Variants in LUZP2 observed in about 807,000 individuals in gnomAD.
The protein encoded by LUZP2 is leucine zipper protein 2.
In LUZP2, 52 loss-of-function variants were observed where a neutral mutation model predicts 51.6. The observed-to-expected ratio is 1.01, with a 90% CI of 0.81 to 1.27. The LOEUF (loss-of-function observed/expected upper bound fraction) is 1.27. Ranked by LOEUF, LUZP2 falls within the 50% of genes most tolerant of loss-of-function variation. The pLI is 0.00. For missense variants in LUZP2, 436 were observed against 395.4 expected (o/e 1.10, Z -0.87); for synonymous variants, 154 against 137.3 (o/e 1.12, Z -0.85).
chr11:24,678,463 A>T (rs925672774), intron 1 of LUZP2, among the ~76,000 whole-genome samples: 1 of 152,132 alleles, frequency 6.6e-6, no homozygotes, highest in Non-Finnish European at 1.5e-5. Flanking sequence ...TGTGCTTGTT[A>T]TAAGTGTCCT....
chr11:24,988,253 T>C (rs140449805), intron 9 of LUZP2, among the ~76,000 whole-genome samples: 33 of 152,062 alleles, frequency 2.2e-4, no homozygotes, highest in Admixed American at 1.3e-3. Context: ...TCTCACAGTA[T>C]GTGTTAAAGC....
chr11:24,607,504 G>T (rs1400230039), intron 1 of LUZP2, among the ~76,000 whole-genome samples: 1 of 151,298 alleles, frequency 6.6e-6, no homozygotes, highest in African/African-American at 2.4e-5. Context: ...ATATTCCATT[G>T]TCTGCTTTTA....
intron 9 of LUZP2, among the ~76,000 whole-genome samples, chr11:25,030,704 T>TA (rs1437364330): frequency 6.6e-6 from 1 of 150,706 alleles, no homozygotes; most frequent in Non-Finnish European, 1.5e-5. Context: ...ATTTAATACA[T>TA]AATTTGTTTT....
chr11:24,923,341 T>C (rs1854130911), intron 7 of LUZP2, among the ~76,000 whole-genome samples: 1 of 151,910 alleles, frequency 6.6e-6, no homozygotes, highest in African/African-American at 2.4e-5. Context: ...AAGGAAAAAG[T>C]CAAACTTGAA....
At chr11:24,692,389 G>A (rs1565080140) in intron 1 of LUZP2, among the ~76,000 whole-genome samples, 2 of 152,028 alleles carry the variant, frequency 1.3e-5, no homozygotes, top group African/African-American at 4.8e-5. Context: ...TAAAAACAAG[G>A]AAAGTAGTAA....
chr11:24,713,942 C>T (rs1645713784), intron 1 of LUZP2, among the ~76,000 whole-genome samples: 1 of 145,770 alleles, frequency 6.9e-6, no homozygotes, highest in Non-Finnish European at 1.5e-5. Flanking sequence ...GTGATCTGCC[C>T]ACCTCAGCCT....
At chr11:24,910,765 G>T (rs891486268) in intron 6 of LUZP2, among the ~76,000 whole-genome samples, 1 of 152,166 alleles carries the variant, frequency 6.6e-6, no homozygotes, top group Non-Finnish European at 1.5e-5. Context: ...TGGGTTTGGA[G>T]TTCTACACAG....
intron 1 of LUZP2, among the ~76,000 whole-genome samples, chr11:24,719,609 A>G (rs1233904421): frequency 6.6e-6 from 1 of 152,230 alleles, no homozygotes; most frequent in African/African-American, 2.4e-5. Context: ...GTTTGCAAAT[A>G]TGCCCGTAAC....
intron 1 of LUZP2, among the ~76,000 whole-genome samples, chr11:24,546,224 C>T (rs1347343765): frequency 1.3e-5 from 2 of 152,030 alleles, no homozygotes; most frequent in African/African-American, 2.4e-5. Flanking sequence ...ATATTGTCTA[C>T]AAATAAGGAT....
At chr11:24,960,683 C>T (rs981216958) in intron 7 of LUZP2, among the ~76,000 whole-genome samples, 2 of 151,954 alleles carry the variant, frequency 1.3e-5, no homozygotes, top group Non-Finnish European at 2.9e-5. Flanking sequence ...TTTCTTGAGC[C>T]TTTCAAAAAA....
At chr11:24,652,283 C>A (rs1201291601) in intron 1 of LUZP2, among the ~76,000 whole-genome samples, 1 of 152,036 alleles carries the variant, frequency 6.6e-6, no homozygotes, top group Non-Finnish European at 1.5e-5. Context: ...TAAAACATCT[C>A]ATTATTTTGT....
At chr11:24,585,497 CT>C (rs1264698339) in intron 1 of LUZP2, among the ~76,000 whole-genome samples, 5 of 151,712 alleles carry the variant, frequency 3.3e-5, no homozygotes, top group African/African-American at 1.2e-4. Context: ...TCCAGCTTAG[CT>C]TTTTTTTATT....
chr11:24,713,190 A>T (rs775134614), intron 1 of LUZP2, among the ~76,000 whole-genome samples: 9 of 152,188 alleles, frequency 5.9e-5, no homozygotes, highest in Non-Finnish European at 1.2e-4. Flanking sequence ...GTGACTTCAG[A>T]TAGCATAGAA....
At chr11:24,802,788 G>A (rs1849731467) in intron 5 of LUZP2, among the ~76,000 whole-genome samples, 1 of 151,978 alleles carries the variant, frequency 6.6e-6, no homozygotes, top group South Asian at 2.1e-4. Context: ...TTAATACCCA[G>A]TATGATAGTT....
intron 1 of LUZP2, among the ~76,000 whole-genome samples, chr11:24,590,294 C>T (rs1334492200): frequency 3.3e-5 from 5 of 152,252 alleles, no homozygotes; most frequent in Admixed American, 2.6e-4. Context: ...TAAATTTACA[C>T]ATTGCAGTTG....
chr11:24,558,010 A>C (rs1445050784), intron 1 of LUZP2, among the ~76,000 whole-genome samples: 1 of 152,044 alleles, frequency 6.6e-6, no homozygotes, highest in Non-Finnish European at 1.5e-5. Context: ...TTAGTGGGGG[A>C]AAATCTGCCC....
chr11:24,617,743 C>A (rs1451470758), intron 1 of LUZP2, among the ~76,000 whole-genome samples: 1 of 152,022 alleles, frequency 6.6e-6, no homozygotes, highest in African/African-American at 2.4e-5. Flanking sequence ...ATCTCTTGAA[C>A]CTCGGAGGTG....
chr11:24,945,030 G>T (rs1369606484), intron 7 of LUZP2, among the ~76,000 whole-genome samples: 7 of 152,204 alleles, frequency 4.6e-5, no homozygotes, highest in Middle Eastern at 3.4e-3. Context: ...CTTTAAATCT[G>T]TGCAGCGAAA....
chr11:25,081,854 A>G lies in LUZP2; in HGVS notation c.*3196A>G, dbSNP rs1859468201. ...TTATTAAGAAAAAAGATATTTTCCA[A>G]TGGAGTAACTTGTTTTAATAGAGGT... is the stretch of plus-strand genomic sequence containing the variant. On this transcript the variant is annotated 3_prime_UTR_variant, in exon 12 of 12. Transcript: ENST00000336930. The G allele has an allele frequency of 6.6e-6, 1 of 152,176 alleles. No individual in the cohort carries two copies. The highest frequency in any genetic ancestry group is 2.4e-5 in the African/African-American group (1 of 41,456). The allele number at this position is 152,176 out of a possible 1,614,324, so 9.4% of individuals were successfully genotyped here.
Sources: gnomAD v4.1 joint callset for allele counts (sites outside exome capture counted in the v4.1 genomes callset) on GRCh38, gnomAD v4.1.1 for gene constraint, MANE v1.5 for transcripts, NCBI Gene and HGNC (gene_info 2026-07-23, HGNC 2026-07-21) for gene names.